The following TCF7L1 variants were observed in gnomAD, a reference collection of about 807,000 sequenced individuals.
TCF7L1 encodes the protein transcription factor 7-like 1.
TCF7L1 carries 18 observed loss-of-function variants against 63.7 expected under a neutral mutation model. The observed-to-expected ratio is 0.28, with a 90% CI of 0.20 to 0.42. The LOEUF (loss-of-function observed/expected upper bound fraction) is 0.42. TCF7L1 is among the 10% of genes least tolerant of loss of function. TCF7L1 has a pLI of 1.00. For synonymous variants in TCF7L1, 355 were observed against 340.9 expected (o/e 1.04, Z -0.46); for missense variants, 654 against 779.3 (o/e 0.84, Z 1.91).
At chr2:85,237,718 G>A (rs1246396227) in intron 3 of TCF7L1, among the ~76,000 whole-genome samples, 2 of 149,206 alleles carry the variant, frequency 1.3e-5, no homozygotes, top group Non-Finnish European at 3.0e-5. Flanking sequence ...AGTGGGGTTG[G>A]GGGGTGGGTT....
chr2:85,224,525 T>C (rs189239145), intron 3 of TCF7L1, among the ~76,000 whole-genome samples: 43 of 152,370 alleles, frequency 2.8e-4, no homozygotes, highest in African/African-American at 1.0e-3. Context: ...TGCATTTCTC[T>C]GATGACCAGT....
At chr2:85,180,651 A>G (rs940288170) in intron 3 of TCF7L1, among the ~76,000 whole-genome samples, 5 of 152,108 alleles carry the variant, frequency 3.3e-5, no homozygotes, top group African/African-American at 1.2e-4. Context: ...GTGACTTCCT[A>G]AAGTGAGGAT....
intron 3 of TCF7L1, among the ~76,000 whole-genome samples, chr2:85,239,182 A>G (rs563068540): frequency 6.6e-6 from 1 of 152,268 alleles, no homozygotes; most frequent in South Asian, 2.1e-4. Context: ...TTGGAGATGT[A>G]TATACCCCAC....
rs192228693 is a variant in TCF7L1 at position 85,265,354 on chromosome 2, G to A, written c.442-18141G>A. On this transcript the variant is annotated intron_variant, in intron 3 of 11. Coordinates refer to ENST00000282111, the MANE Select transcript of TCF7L1 (RefSeq NM_031283.3). ...GAAGAGTTAAATCATAATGGGGAAC[G>A]CAGACAGGAATCAGTGTTTTTAAAG... 2.6e-3 allele frequency among the ~76,000 whole-genome samples: 394 copies of A among 152,196 alleles called. 8 individuals carry two copies. The highest frequency in any genetic ancestry group is 0.02 in the Admixed American group (311 of 15,290).
At chr2:85,225,989 G>A (rs571299430) in intron 3 of TCF7L1, among the ~76,000 whole-genome samples, 61 of 152,334 alleles carry the variant, frequency 4.0e-4, no homozygotes, top group African/African-American at 1.4e-3. Flanking sequence ...AGCATGAAAT[G>A]CTGTTGAATT....
intron 3 of TCF7L1, among the ~76,000 whole-genome samples, chr2:85,185,680 GAC>G (rs1678902164): frequency 6.6e-6 from 1 of 152,082 alleles, no homozygotes; most frequent in South Asian, 2.1e-4. Context: ...GTCTCAGCCT[GAC>G]ACACCACACT....
chr2:85,254,449 G>T (rs182308013), intron 3 of TCF7L1, among the ~76,000 whole-genome samples: 34 of 152,318 alleles, frequency 2.2e-4, no homozygotes, highest in African/African-American at 8.2e-4. Context: ...CCTGCATTGG[G>T]GGGGCTTGAA....
At chr2:85,192,691 C>CT (rs58826165) in intron 3 of TCF7L1, among the ~76,000 whole-genome samples, 13,646 of 134,084 alleles carry the variant, frequency 0.1, 698 homozygotes, top group Middle Eastern at 0.15. Flanking sequence ...CCTAACTAAT[C>CT]TTTTTTTTTT....
intron 4 of TCF7L1, among the ~76,000 whole-genome samples, chr2:85,293,177 T>C (rs1394557192): frequency 6.6e-6 from 1 of 152,222 alleles, no homozygotes; most frequent in Non-Finnish European, 1.5e-5. Context: ...TAAGGTGATA[T>C]GGTGTGGATC....
At chr2:85,239,083 A>T (rs921146004) in intron 3 of TCF7L1, among the ~76,000 whole-genome samples, 1 of 152,096 alleles carries the variant, frequency 6.6e-6, no homozygotes, top group Non-Finnish European at 1.5e-5. Flanking sequence ...ACTAAATCTG[A>T]TATAAAATTT....
intron 3 of TCF7L1, among the ~76,000 whole-genome samples, chr2:85,190,951 G>T (rs1344492823): frequency 6.6e-6 from 1 of 152,202 alleles, no homozygotes; most frequent in Admixed American, 6.5e-5. Flanking sequence ...TAGGCTCTTA[G>T]CAACTGAGGC....
At chr2:85,285,165 G>A (rs140685835) in intron 4 of TCF7L1, among the ~76,000 whole-genome samples, 3,303 of 152,122 alleles carry the variant, frequency 0.022, 141 homozygotes, top group African/African-American at 0.075. Context: ...CCCCGGAGGC[G>A]GAGCTGATAG....
At chr2:85,234,382 C>T (rs1243687757) in intron 3 of TCF7L1, among the ~76,000 whole-genome samples, 1 of 152,094 alleles carries the variant, frequency 6.6e-6, no homozygotes, top group South Asian at 2.1e-4. Context: ...GGTCCACCCA[C>T]CTCGGCCTCC....
chr2:85,308,532 GCCCTCCCTTTCTCCTTCCCT>G (rs1157595581), intron 11 of TCF7L1, among the ~76,000 whole-genome samples: 35 of 74,234 alleles, frequency 4.7e-4, no homozygotes, highest in African/African-American at 1.3e-3. Context: ...TTCTCCTTCC[GCCCTCCCTTTCTCCTTCCCT>G]CCCTCCCTAT....
At chr2:85,204,336 T>C (rs1679346150) in intron 3 of TCF7L1, among the ~76,000 whole-genome samples, 1 of 122,382 alleles carries the variant, frequency 8.2e-6, no homozygotes, top group African/African-American at 3.1e-5. Context: ...GACCTTTCGA[T>C]GTCAGTACAT....
intron 3 of TCF7L1, among the ~76,000 whole-genome samples, chr2:85,149,549 A>G (rs866579414): frequency 2.0e-5 from 3 of 151,788 alleles, no homozygotes; most frequent in South Asian, 4.2e-4. Context: ...TTTTTGAGAT[A>G]GAGTCTGGCT....
At chr2:85,280,302 C>T (rs936987341) in intron 3 of TCF7L1, among the ~76,000 whole-genome samples, 9 of 152,142 alleles carry the variant, frequency 5.9e-5, no homozygotes, top group African/African-American at 2.2e-4. Flanking sequence ...CAGCCCACCA[C>T]CCCCAATAAA....
At chr2:85,267,756 A>G (rs1681013177) in intron 3 of TCF7L1, among the ~76,000 whole-genome samples, 1 of 152,196 alleles carries the variant, frequency 6.6e-6, no homozygotes, top group African/African-American at 2.4e-5. Context: ...GAGGATAATA[A>G]TAGCATCAAC....
chr2:85,233,316 ATTT>A (rs11345481), intron 3 of TCF7L1, among the ~76,000 whole-genome samples: 18,528 of 134,424 alleles, frequency 0.14, 2,159 homozygotes, highest in African/African-American at 0.33. Context: ...AAATTCAGAG[ATTT>A]TTTTTTTTTT....
Sources: gnomAD v4.1 joint callset for allele counts (sites outside exome capture counted in the v4.1 genomes callset) on GRCh38, gnomAD v4.1.1 for gene constraint, MANE v1.5 for transcripts, NCBI Gene and HGNC (gene_info 2026-07-23, HGNC 2026-07-21) for gene names.